The following GTF2E1 variants were observed in gnomAD, a reference collection of about 807,000 sequenced individuals.
GTF2E1 encodes the protein general transcription factor IIE subunit 1.
GTF2E1 carries 14 observed loss-of-function variants against 34.9 expected under a neutral mutation model. The observed-to-expected ratio is 0.40, with a 90% CI of 0.27 to 0.63. The LOEUF is 0.63. Ranked by LOEUF, GTF2E1 falls within the 20% of genes least tolerant of loss-of-function variation. The probability of loss-of-function intolerance (pLI) is 0.39; values close to 1 mark genes in which losing one functional copy is unlikely to be tolerated. For missense variants in GTF2E1, 469 were observed against 557.7 expected (o/e 0.84, Z 1.60); for synonymous variants, 188 against 192.9 (o/e 0.97, Z 0.21).
At chr3:120,764,901 G>T (rs1302242707) in intron 2 of GTF2E1, among the ~76,000 whole-genome samples, 2 of 151,894 alleles carry the variant, frequency 1.3e-5, no homozygotes, top group African/African-American at 4.8e-5. Flanking sequence ...TAAGTTGAAG[G>T]CCTTGGCTGG....
intron 1 of GTF2E1, among the ~76,000 whole-genome samples, chr3:120,747,217 A>G (rs950541998): frequency 6.7e-6 from 1 of 149,544 alleles, no homozygotes; most frequent in African/African-American, 2.5e-5. Flanking sequence ...TTTTTATTTT[A>G]TTTTATTTTA....
At chr3:120,751,142 C>T in intron 2 of GTF2E1, 142 bp downstream of exon 2, 1 of 599,226 alleles carries the variant, frequency 1.7e-6, no homozygotes, top group South Asian at 2.3e-5. Context: ...TACAGTCAGT[C>T]TTACTGTCCT....
In GTF2E1 at chr3:120,782,515, AG is replaced by A. The variant is rs1709457057; in HGVS notation, c.*1046del. 1 of 152,246 alleles carries A rather than the reference AG, an allele frequency of 6.6e-6. No homozygotes were observed. The highest frequency in any genetic ancestry group is 2.4e-5 in the African/African-American group (1 of 41,468). 9.4% of individuals were successfully genotyped at this position (152,246 alleles called of 1,614,324 possible). Reference sequence around the variant, plus strand: ...AAGAAGTCTCTGTGAAGGGTTGAAGAGTGACAAGCATTGGTAACAGTGCCTT... The same window carrying A: ...AAGAAGTCTCTGTGAAGGGTTGAAGATGACAAGCATTGGTAACAGTGCCTT... On this transcript the variant is annotated 3_prime_UTR_variant, in exon 5 of 5. Transcript: ENST00000283875.
At chr3:120,746,188 A>G (rs1709103553) in intron 1 of GTF2E1, among the ~76,000 whole-genome samples, 1 of 152,236 alleles carries the variant, frequency 6.6e-6, no homozygotes, top group Non-Finnish European at 1.5e-5. Context: ...GTTGATAACC[A>G]CTGATTTCAA....
At chr3:120,770,585 G>A in intron 2 of GTF2E1, 143 bp from the exon 3 acceptor site, 1 of 634,790 alleles carries the variant, frequency 1.6e-6, no homozygotes, top group Non-Finnish European at 2.8e-6. Flanking sequence ...TCTAAATGGT[G>A]GTCACATGGC....
chr3:120,757,525 T>A (rs1426457970), intron 2 of GTF2E1, among the ~76,000 whole-genome samples: 1 of 152,216 alleles, frequency 6.6e-6, no homozygotes, highest in East Asian at 1.9e-4. Flanking sequence ...GTAAAATAAT[T>A]AAATGTAATG....
intron 3 of GTF2E1, among the ~76,000 whole-genome samples, chr3:120,775,985 T>C (rs1403242930): frequency 2.0e-5 from 3 of 152,216 alleles, no homozygotes; most frequent in Admixed American, 6.5e-5. Flanking sequence ...CCACTTTGAA[T>C]TGTTCTGGGT....
At chr3:120,762,145 A>C (rs550184088) in intron 2 of GTF2E1, among the ~76,000 whole-genome samples, 1 of 152,264 alleles carries the variant, frequency 6.6e-6, no homozygotes, top group African/African-American at 2.4e-5. Flanking sequence ...TATGTGGTCA[A>C]TTTTAGAATA....
chr3:120,770,959 AAC>A (rs1168999203), intron 3 of GTF2E1, 30 bp downstream of exon 3: 12 of 1,560,962 alleles, frequency 7.7e-6, no homozygotes, highest in Admixed American at 6.7e-5. Flanking sequence ...TCTTACTAAG[AAC>A]ACATTTCAAC....
At chr3:120,774,045 G>T (rs1316350200) in intron 3 of GTF2E1, among the ~76,000 whole-genome samples, 3 of 152,170 alleles carry the variant, frequency 2.0e-5, no homozygotes, top group African/African-American at 7.2e-5. Context: ...AAAACTCTGT[G>T]TTCAGGATTA....
intron 2 of GTF2E1, among the ~76,000 whole-genome samples, chr3:120,769,117 G>A (rs1042735107): frequency 6.6e-6 from 1 of 151,346 alleles, no homozygotes; most frequent in Admixed American, 6.6e-5. Flanking sequence ...CCTCTCTTGA[G>A]CTGAATTGTT....
rs1379129485 is a variant in GTF2E1 at position 120,782,253 on chromosome 3, C to A, written c.*783C>A. ...ATTTTGCTTAGAATTTGAGCATTTC[C>A]TCAAAATTGAGATGGATCAATATGT... On this transcript the variant is annotated 3_prime_UTR_variant, in exon 5 of 5. Coordinates refer to ENST00000283875, the MANE Select transcript of GTF2E1 (RefSeq NM_005513.3). The A allele has an allele frequency of 6.6e-6, 1 of 152,106 alleles. No homozygotes were observed. The highest frequency in any genetic ancestry group is 2.4e-5 in the African/African-American group (1 of 41,408). The allele number at this position is 152,106 out of a possible 1,614,324, so 9.4% of individuals were successfully genotyped here. A position where few individuals can be genotyped will look rare whatever the true frequency, so the allele number is the denominator to read the frequency against.
chr3:120,751,301 AG>A (rs1331886591), intron 2 of GTF2E1, among the ~76,000 whole-genome samples: 1 of 152,160 alleles, frequency 6.6e-6, no homozygotes, highest in Non-Finnish European at 1.5e-5. Context: ...TACCACTTTG[AG>A]GCTGTTCTAA....
At chr3:120,759,731 CA>C (rs377504177) in intron 2 of GTF2E1, among the ~76,000 whole-genome samples, 6 of 152,110 alleles carry the variant, frequency 3.9e-5, no homozygotes, top group African/African-American at 1.4e-4. Flanking sequence ...TCAGGTTTGT[CA>C]AAGATCAGAT....
chr3:120,751,086 C>T, intron 2 of GTF2E1, 86 bp downstream of exon 2: 4 of 776,954 alleles, frequency 5.1e-6, no homozygotes, highest in Non-Finnish European at 8.2e-6. Context: ...TTTAAACCAT[C>T]ATATATATTA....
At chr3:120,763,141 C>T (rs866035049) in intron 2 of GTF2E1, among the ~76,000 whole-genome samples, 1 of 152,116 alleles carries the variant, frequency 6.6e-6, no homozygotes, top group Non-Finnish European at 1.5e-5. Flanking sequence ...TATTGGCTAT[C>T]GTCTTTTAGG....
intron 4 of GTF2E1, among the ~76,000 whole-genome samples, 186 bp downstream of exon 4, chr3:120,776,850 T>G (rs1294163963): frequency 6.6e-6 from 1 of 152,226 alleles, no homozygotes; most frequent in African/African-American, 2.4e-5. Flanking sequence ...CCCTTCAACT[T>G]AGTGAAAATA....
chr3:120,776,447 T>C lies in GTF2E1; in HGVS notation c.675T>C (p.Ala225=). ...KQSKDHAATT[A]GAASLAGGHH... is the part of the protein sequence containing the mutation. The stretch of plus-strand genomic sequence containing the variant: ...GCAAGGACCATGCAGCAACTACTGC[T>C]GGAGCTGCTAGCCTAGCAGGTGGGC... Residue 225 remains alanine, a synonymous_variant, in exon 4 of 5, where the codon GCT becomes GCC. Transcript: ENST00000283875. 3 of 1,613,222 alleles carry C rather than the reference T, an allele frequency of 1.9e-6. No individual in the cohort carries two copies. The highest frequency in any genetic ancestry group is 2.5e-6 in the Non-Finnish European group (3 of 1,179,406).
At chr3:120,762,397 C>T (rs973281303) in intron 2 of GTF2E1, among the ~76,000 whole-genome samples, 2 of 152,112 alleles carry the variant, frequency 1.3e-5, no homozygotes, top group African/African-American at 2.4e-5. Context: ...TCTGGGTGCT[C>T]CTGTACTGGG....
Sources: allele counts gnomAD v4.1 joint callset (sites outside exome capture counted in the v4.1 genomes callset), GRCh38; gene constraint gnomAD v4.1.1; transcripts MANE v1.5; gene names NCBI Gene and HGNC (gene_info 2026-07-23, HGNC 2026-07-21).